Variants in BCAS3 observed in about 807,000 individuals in gnomAD.
BCAS3 encodes BCAS3 microtubule associated cell migration factor.
Under a neutral mutation model 116.1 loss-of-function variants are expected in BCAS3, and 53 were observed. The ratio of observed to expected loss-of-function variants is 0.46; its 90% CI spans 0.37 to 0.57. The LOEUF is 0.57. Ranked by LOEUF, BCAS3 falls within the 20% of genes least tolerant of loss-of-function variation. The probability of loss-of-function intolerance (pLI) is 0.00; values close to 1 mark genes in which losing one functional copy is unlikely to be tolerated. For synonymous variants in BCAS3, 391 were observed against 408.2 expected (o/e 0.96, Z 0.51); for missense variants, 917 against 1,165.4 (o/e 0.79, Z 3.10).
At position 61,026,873 on chromosome 17, in the gene BCAS3, C is replaced by A; in HGVS notation, c.1638-7793C>A. ...TCCCCCTTTTCCATGAAGGCCTTAT[C>A]TCTTTGGAGCGGGGTGTTTTTCCAT... On this transcript the variant is annotated intron_variant, in intron 16 of 23. Transcript: ENST00000407086. The surrounding 1 kb of genome is among the most constrained non-coding windows in gnomAD (Gnocchi z 5.0). 6.3e-7 allele frequency: 1 copy of A among 1,599,148 alleles called. No individual in the cohort carries two copies. The highest frequency in any genetic ancestry group is 1.1e-5 in the South Asian group (1 of 88,100).
At chr17:60,944,449 G>A (rs116951830) in intron 13 of BCAS3, among the ~76,000 whole-genome samples, 3,013 of 151,988 alleles carry the variant, frequency 0.02, 57 homozygotes, top group Middle Eastern at 0.031. Flanking sequence ...AACATTTAAC[G>A]AAGAAATAAT....
chr17:60,695,151 C>T (rs991111472), intron 4 of BCAS3, among the ~76,000 whole-genome samples: 23 of 139,108 alleles, frequency 1.7e-4, no homozygotes, highest in African/African-American at 5.5e-4. Flanking sequence ...GATGGAGTCT[C>T]GCTCTGTCAC....
intron 23 of BCAS3, among the ~76,000 whole-genome samples, chr17:61,382,604 T>C (rs958428883): frequency 2.0e-5 from 3 of 150,642 alleles, no homozygotes; most frequent in African/African-American, 7.4e-5. Flanking sequence ...TGCAGTGAGC[T>C]GAGATTGCAC....
In BCAS3 at chr17:61,141,583, C is replaced by A. The variant is rs140619309; in HGVS notation, c.2425+57019C>A. The stretch of plus-strand genomic sequence containing the variant: ...AAAAAATAAAATAAAAGTTGAATCA[C>A]CCACGTTTTAGATTATGAGCTTATT... On this transcript the variant is annotated intron_variant, in intron 22 of 23. Coordinates refer to ENST00000407086, the MANE Select transcript of BCAS3 (RefSeq NM_017679.5). This position sits in a 1 kb window ranked among gnomAD's most constrained non-coding sequence, Gnocchi z 4.3. Among the ~76,000 whole-genome samples the A allele has an allele frequency of 5.6e-4, 85 of 151,616 alleles. No individual in the cohort carries two copies. In the East Asian group the frequency reaches 0.015, roughly 26 times the overall value.
rs1233537925 is a variant in BCAS3 at position 61,308,331 on chromosome 17, C to G, written c.2426-59996C>G. Among the ~76,000 whole-genome samples the G allele has an allele frequency of 1.3e-5, 2 of 152,062 alleles. 1 individual carries two copies. Among genetic ancestry groups the G allele is most frequent in the South Asian group, 4.1e-4 (2 of 4,832 alleles). On this transcript the variant is annotated intron_variant, in intron 22 of 23. Coordinates refer to ENST00000407086, the MANE Select transcript of BCAS3 (RefSeq NM_017679.5). ...TAGTGTTGGAAGATGAATGTGACCC[C>G]AGCGACCTCCATTCCACCCCCCAAC...
At chr17:60,897,576 A>G (rs920252605) in intron 10 of BCAS3, among the ~76,000 whole-genome samples, 1 of 152,114 alleles carries the variant, frequency 6.6e-6, no homozygotes, top group African/African-American at 2.4e-5. Flanking sequence ...GTTTCCCCAG[A>G]TGTCATAATG....
At chr17:61,322,083 A>G (rs1352264726) in intron 22 of BCAS3, among the ~76,000 whole-genome samples, 2 of 151,788 alleles carry the variant, frequency 1.3e-5, no homozygotes, top group Non-Finnish European at 2.9e-5. Flanking sequence ...ACAGGCATGC[A>G]CCACCACGCC....
At chr17:61,369,125 A>G (rs1482079527) in intron 23 of BCAS3, among the ~76,000 whole-genome samples, 1 of 152,184 alleles carries the variant, frequency 6.6e-6, no homozygotes, top group Non-Finnish European at 1.5e-5. Context: ...GCACTCAGGA[A>G]AGCCACCAAT....
chr17:60,838,410 A>T (rs2051565655), intron 7 of BCAS3, among the ~76,000 whole-genome samples: 1 of 152,050 alleles, frequency 6.6e-6, no homozygotes, highest in South Asian at 2.1e-4. Flanking sequence ...GGAGGTGGTG[A>T]GGTGGGTGTG....
chr17:61,010,927 T>C (rs968701102), intron 15 of BCAS3, among the ~76,000 whole-genome samples: 1 of 151,990 alleles, frequency 6.6e-6, no homozygotes. Flanking sequence ...ATGAGCTTAT[T>C]TTCTCATGAG....
chr17:60,841,978 G>A (rs1325238157), intron 7 of BCAS3, among the ~76,000 whole-genome samples: 1 of 152,070 alleles, frequency 6.6e-6, no homozygotes, highest in Non-Finnish European at 1.5e-5. Flanking sequence ...TGCTGGAAAT[G>A]TATTTTTCTG....
intron 22 of BCAS3, among the ~76,000 whole-genome samples, chr17:61,150,619 A>G (rs779320415): frequency 2.4e-4 from 37 of 152,324 alleles, no homozygotes; most frequent in Non-Finnish European, 4.3e-4. Context: ...TTCAACAGAC[A>G]TGTTTCTCAA....
chr17:61,106,967 AT>A lies in BCAS3; in HGVS notation c.2425+22405del, dbSNP rs554615526. On this transcript the variant is annotated intron_variant, in intron 22 of 23. Coordinates refer to ENST00000407086, the MANE Select transcript of BCAS3 (RefSeq NM_017679.5). The surrounding 1 kb of genome is among the most constrained non-coding windows in gnomAD (Gnocchi z 4.2). ...TTTTTAAGTCACTTTATGTTTACAT[AT>A]TGCCAGGTTGCCCTAAGTAAAGTTC... Among the ~76,000 whole-genome samples the A allele has an allele frequency of 9.6e-4, 146 of 151,628 alleles. 1 individual carries two copies. Among genetic ancestry groups the A allele is most frequent in the African/African-American group, 3.4e-3 (139 of 41,366 alleles).
rs1192187160 is a variant in BCAS3, at chr17:61,213,026, A to G, written c.2425+128462A>G. On this transcript the variant is annotated intron_variant, in intron 22 of 23. Transcript: ENST00000407086. The surrounding 1 kb of genome is among the most constrained non-coding windows in gnomAD (Gnocchi z 5.4). The stretch of plus-strand genomic sequence containing the variant: ...TATGTTTTAGATTTGAATCCCAACT[A>G]GATAGTTTGGGATAGTTCTTTGGGG... 6.6e-6 allele frequency among the ~76,000 whole-genome samples: 1 copy of G among 152,132 alleles called. No individual in the cohort carries two copies. Among genetic ancestry groups the G allele is most frequent in the East Asian group, 1.9e-4 (1 of 5,204 alleles).
chr17:61,375,246 G>GTGTGTGTGTGTGTGCGCGCGCGCGCACA (rs150061118), intron 23 of BCAS3, among the ~76,000 whole-genome samples: 6 of 150,666 alleles, frequency 4.0e-5, no homozygotes, highest in African/African-American at 1.2e-4. Context: ...GTGTGTGTGT[G>GTGTGTGTGTGTGTGCGCGCGCGCGCACA]TGTGTGTGTA....
intron 5 of BCAS3, among the ~76,000 whole-genome samples, chr17:60,741,751 G>A (rs76024746): frequency 0.027 from 4,089 of 152,192 alleles, 80 homozygotes; most frequent in Non-Finnish European, 0.041. Flanking sequence ...ACTCTTGTAC[G>A]TTGCTGGTGG....
At position 61,032,538 on chromosome 17, in the gene BCAS3, C is replaced by A. The variant is rs1433413796; in HGVS notation, c.1638-2128C>A. Among the ~76,000 whole-genome samples the A allele has an allele frequency of 6.6e-6, 1 of 151,996 alleles. No homozygotes were observed. The highest frequency in any genetic ancestry group is 1.5e-5 in the Non-Finnish European group (1 of 67,970). ...TGGAAATAAAAGCTTTGAAAGAAGC[C>A]TTATATTCTCAGGTAATGCAACAGA... is the stretch of plus-strand genomic sequence containing the variant. On this transcript the variant is annotated intron_variant, in intron 16 of 23. Transcript: ENST00000407086. The surrounding 1 kb of genome is among the most constrained non-coding windows in gnomAD (Gnocchi z 4.6).
chr17:61,220,973 G>A lies in BCAS3; in HGVS notation c.2425+136409G>A, dbSNP rs1030365975. On this transcript the variant is annotated intron_variant, in intron 22 of 23. Transcript: ENST00000407086. The surrounding 1 kb of genome is among the most constrained non-coding windows in gnomAD (Gnocchi z 4.5). ...AAATTAGCTGGGCATGGTGGCGGGC[G>A]CCTGTAGTCCCAGCTATTTGGGAGG... Among the ~76,000 whole-genome samples the A allele has an allele frequency of 5.3e-5, 8 of 152,276 alleles. No individual in the cohort carries two copies. Among genetic ancestry groups the A allele is most frequent in the Middle Eastern group, 3.4e-3 (1 of 294 alleles).
intron 22 of BCAS3, among the ~76,000 whole-genome samples, chr17:61,237,035 G>A (rs965557675): frequency 6.6e-6 from 1 of 152,152 alleles, no homozygotes; most frequent in Non-Finnish European, 1.5e-5. Flanking sequence ...CCATTAAAAA[G>A]TTATCTTTTT....
Sources: allele counts gnomAD v4.1 joint callset (sites outside exome capture counted in the v4.1 genomes callset), GRCh38; gene constraint gnomAD v4.1.1; non-coding constraint Gnocchi (gnomAD v3.1); transcripts MANE v1.5; gene names NCBI Gene and HGNC (gene_info 2026-07-23, HGNC 2026-07-21).